The following NELL1 variants were observed in gnomAD, a reference collection of about 807,000 sequenced individuals.
NELL1 encodes the protein neural EGFL like 1, also known as protein kinase C-binding protein NELL1.
In NELL1, 76 loss-of-function variants were observed where a neutral mutation model predicts 107.4. The observed-to-expected ratio is 0.71, with a 90% CI of 0.59 to 0.86. The LOEUF (loss-of-function observed/expected upper bound fraction) is 0.86. NELL1 is among the 40% of genes least tolerant of loss of function. NELL1 has a pLI of 0.00. For missense variants in NELL1, 1,024 were observed against 1,005.5 expected (o/e 1.02, Z -0.25); for synonymous variants, 353 against 341.2 (o/e 1.03, Z -0.38).
At chr11:21,516,808 T>A (rs1227768497) in intron 15 of NELL1, among the ~76,000 whole-genome samples, 2 of 146,274 alleles carry the variant, frequency 1.4e-5, no homozygotes, top group Admixed American at 7.1e-5. Context: ...TTGGCATTGG[T>A]ATTTTTTTTT....
At chr11:21,366,127 G>A (rs1304307969) in intron 14 of NELL1, among the ~76,000 whole-genome samples, 2 of 152,090 alleles carry the variant, frequency 1.3e-5, no homozygotes, top group Non-Finnish European at 2.9e-5. Context: ...AAAAGCAAAT[G>A]TAAAGGTGAT....
chr11:21,491,851 G>C (rs1854826366), intron 15 of NELL1, among the ~76,000 whole-genome samples: 1 of 152,018 alleles, frequency 6.6e-6, no homozygotes, highest in African/African-American at 2.4e-5. Context: ...TCTTCCATTT[G>C]TTTGTATCCT....
At chr11:21,510,782 T>A (rs1372448104) in intron 15 of NELL1, among the ~76,000 whole-genome samples, 1 of 152,240 alleles carries the variant, frequency 6.6e-6, no homozygotes, top group Non-Finnish European at 1.5e-5. Context: ...TTCTATAATA[T>A]GTGACCCATC....
chr11:21,501,084 T>G (rs1483171157), intron 15 of NELL1, among the ~76,000 whole-genome samples: 4 of 152,176 alleles, frequency 2.6e-5, no homozygotes, highest in Non-Finnish European at 5.9e-5. Context: ...AATATCTTAA[T>G]GTAAATTGTC....
intron 2 of NELL1, among the ~76,000 whole-genome samples, chr11:20,731,178 A>G (rs991752514): frequency 3.9e-5 from 6 of 152,142 alleles, no homozygotes; most frequent in Non-Finnish European, 7.4e-5. Flanking sequence ...TTCTGCAGAC[A>G]CCTGAGGAGG....
At chr11:20,756,104 T>C (rs1856279668) in intron 2 of NELL1, among the ~76,000 whole-genome samples, 1 of 151,092 alleles carries the variant, frequency 6.6e-6, no homozygotes, top group Non-Finnish European at 1.5e-5. Context: ...GTGGTCTCGA[T>C]CTCCTGACCT....
At chr11:20,817,969 T>C (rs144937878) in intron 3 of NELL1, among the ~76,000 whole-genome samples, 9 of 152,266 alleles carry the variant, frequency 5.9e-5, no homozygotes, top group Admixed American at 5.2e-4. Context: ...TTCACTGTGG[T>C]CCGAGAGTAT....
At chr11:20,936,462 A>C (rs959593397) in intron 9 of NELL1, among the ~76,000 whole-genome samples, 3 of 152,150 alleles carry the variant, frequency 2.0e-5, no homozygotes, top group African/African-American at 2.4e-5. Flanking sequence ...TGTGGCTAAA[A>C]TGGACTAGAT....
intron 13 of NELL1, among the ~76,000 whole-genome samples, chr11:21,116,380 T>A (rs148254245): frequency 8.2e-4 from 124 of 152,114 alleles, no homozygotes; most frequent in African/African-American, 2.9e-3. Context: ...TCTTTTTAGA[T>A]GCCTTCATCA....
chr11:20,892,177 G>A (rs1486295754), intron 5 of NELL1, among the ~76,000 whole-genome samples: 2 of 152,074 alleles, frequency 1.3e-5, no homozygotes, highest in Non-Finnish European at 2.9e-5. Context: ...CTCAGATCAC[G>A]GTGCGATCAA....
intron 15 of NELL1, among the ~76,000 whole-genome samples, chr11:21,522,684 G>T (rs1296078851): frequency 6.6e-6 from 1 of 151,932 alleles, no homozygotes; most frequent in Non-Finnish European, 1.5e-5. Context: ...AGGTAACAAA[G>T]TTATACTTGT....
intron 7 of NELL1, among the ~76,000 whole-genome samples, chr11:20,926,017 G>T (rs551276349): frequency 2.0e-5 from 3 of 152,222 alleles, no homozygotes; most frequent in South Asian, 2.1e-4. Flanking sequence ...TAGATCAAAG[G>T]TTGAATTGAT....
intron 13 of NELL1, among the ~76,000 whole-genome samples, chr11:21,216,996 G>A (rs1289545849): frequency 1.3e-5 from 2 of 152,116 alleles, no homozygotes; most frequent in Admixed American, 6.6e-5. Flanking sequence ...TTCCCATAAT[G>A]CCTATGTGTT....
chr11:21,135,421 G>T (rs1855723638), intron 13 of NELL1, among the ~76,000 whole-genome samples: 1 of 152,148 alleles, frequency 6.6e-6, no homozygotes, highest in Non-Finnish European at 1.5e-5. Flanking sequence ...AGATGATTCA[G>T]GAGGCGTTTT....
At chr11:21,491,559 C>A (rs974850228) in intron 15 of NELL1, among the ~76,000 whole-genome samples, 2 of 152,016 alleles carry the variant, frequency 1.3e-5, no homozygotes, top group South Asian at 2.1e-4. Context: ...TGATCTATAT[C>A]TCTGTTTTGG....
chr11:20,731,650 C>A (rs945006931), intron 2 of NELL1, among the ~76,000 whole-genome samples: 8 of 152,154 alleles, frequency 5.3e-5, no homozygotes, highest in East Asian at 3.9e-4. Context: ...TCCAGACTTA[C>A]AATTCACAAG....
intron 5 of NELL1, among the ~76,000 whole-genome samples, chr11:20,917,387 CAT>C (rs1850280759): frequency 6.6e-6 from 1 of 151,906 alleles, no homozygotes; most frequent in African/African-American, 2.4e-5. Context: ...AAGATAAGCA[CAT>C]ATATGTTAAA....
intron 10 of NELL1, among the ~76,000 whole-genome samples, chr11:20,942,855 T>C (rs1035465699): frequency 5.9e-5 from 9 of 152,160 alleles, no homozygotes; most frequent in Non-Finnish European, 1.3e-4. Context: ...CCTTTTCCAT[T>C]TTGAATGGAA....
intron 12 of NELL1, among the ~76,000 whole-genome samples, chr11:21,080,477 G>T (rs544046409): frequency 9.1e-4 from 139 of 152,172 alleles, no homozygotes; most frequent in Middle Eastern, 3.4e-3. Context: ...CACTTAGTAT[G>T]TTGGATATAG....
Sources: gnomAD v4.1 joint callset for allele counts (sites outside exome capture counted in the v4.1 genomes callset) on GRCh38, gnomAD v4.1.1 for gene constraint, MANE v1.5 for transcripts, NCBI Gene and HGNC (gene_info 2026-07-23, HGNC 2026-07-21) for gene names.